The following TMCO4 variants were observed in gnomAD, a reference collection of about 807,000 sequenced individuals.
TMCO4 encodes the protein transmembrane and coiled-coil domains 4.
A neutral mutation model predicts 64.7 loss-of-function variants in TMCO4; 58 were observed. The ratio of observed to expected loss-of-function variants is 0.90; its 90% CI spans 0.73 to 1.12. TMCO4 has a LOEUF of 1.12. Among genes scored for constraint, TMCO4 ranks in the 50% most tolerant of loss-of-function variants. The probability of loss-of-function intolerance (pLI) is 0.00; values close to 1 mark genes in which losing one functional copy is unlikely to be tolerated. For missense variants in TMCO4, 780 were observed against 825.9 expected, an observed-to-expected ratio of 0.94 and a Z score of 0.68; for synonymous variants, 325 against 346.1, an observed-to-expected ratio of 0.94 and a Z score of 0.68.
intron 6 of TMCO4, among the ~76,000 whole-genome samples, chr1:19,762,882 T>A (rs1346491032): frequency 6.6e-6 from 1 of 152,042 alleles, no homozygotes; most frequent in Non-Finnish European, 1.5e-5. Context: ...TCATGGTCAA[T>A]CCCCGCCCTT....
intron 3 of TMCO4, among the ~76,000 whole-genome samples, chr1:19,781,144 CAAAAAAAAAAAAAA>C (rs535767635): frequency 3.8e-5 from 2 of 52,604 alleles, no homozygotes; most frequent in African/African-American, 1.5e-4. Context: ...GACTCCATCT[CAAAAAAAAAAAAAA>C]AAAAAAAAAG....
intron 3 of TMCO4, among the ~76,000 whole-genome samples, chr1:19,786,607 G>T (rs1421181748): frequency 6.6e-6 from 1 of 152,196 alleles, no homozygotes; most frequent in Non-Finnish European, 1.5e-5. Context: ...GCTGCCCCAG[G>T]CAGGGCCAAG....
intron 5 of TMCO4, 114 bp downstream of exon 5, chr1:19,771,194 C>A: frequency 9.1e-7 from 1 of 1,098,970 alleles, no homozygotes; most frequent in South Asian, 1.5e-5. Flanking sequence ...ATTATGATGA[C>A]ATATTTTATC....
At chr1:19,792,971 A>C (rs1471165440) in intron 2 of TMCO4, among the ~76,000 whole-genome samples, 1 of 151,932 alleles carries the variant, frequency 6.6e-6, no homozygotes, top group African/African-American at 2.4e-5. Flanking sequence ...GGGTTTCACC[A>C]CGTTGGCCAG....
At chr1:19,782,845 C>T (rs913126834) in intron 3 of TMCO4, among the ~76,000 whole-genome samples, 4 of 152,152 alleles carry the variant, frequency 2.6e-5, no homozygotes, top group African/African-American at 9.7e-5. Flanking sequence ...ACAAGCACCG[C>T]CACTTATTAG....
chr1:19,782,465 C>G (rs1160276289), intron 3 of TMCO4, among the ~76,000 whole-genome samples: 2 of 151,976 alleles, frequency 1.3e-5, no homozygotes, highest in African/African-American at 2.4e-5. Flanking sequence ...GGGTGGTCAT[C>G]ATATGGGTAT....
At chr1:19,746,970 T>G (rs1226070626) in intron 8 of TMCO4, among the ~76,000 whole-genome samples, 193 bp downstream of exon 8, 1 of 127,630 alleles carries the variant, frequency 7.8e-6, no homozygotes, top group Non-Finnish European at 1.6e-5. Flanking sequence ...TTTTTACCCC[T>G]CAGCTACCTA....
intron 3 of TMCO4, among the ~76,000 whole-genome samples, chr1:19,784,705 T>C (rs2043645356): frequency 6.6e-6 from 1 of 152,052 alleles, no homozygotes; most frequent in Admixed American, 6.6e-5. Context: ...AAGCCTCCCA[T>C]CACATCAGGA....
At chr1:19,788,250 G>A (rs999681819) in intron 2 of TMCO4, among the ~76,000 whole-genome samples, 1 of 152,188 alleles carries the variant, frequency 6.6e-6, no homozygotes, top group Admixed American at 6.5e-5. Context: ...AAGCAATGGA[G>A]AGGAGAAAAA....
chr1:19,721,364 G>T (rs11587018), intron 13 of TMCO4, among the ~76,000 whole-genome samples: 1 of 152,170 alleles, frequency 6.6e-6, no homozygotes, highest in African/African-American at 2.4e-5. Flanking sequence ...CAGACAGTGT[G>T]GGCACGTGCT....
At chr1:19,712,396 G>A (rs2095334991) in intron 13 of TMCO4, among the ~76,000 whole-genome samples, 1 of 152,074 alleles carries the variant, frequency 6.6e-6, no homozygotes, top group African/African-American at 2.4e-5. Context: ...TGAGGCAGGT[G>A]GATCATGAGG....
intron 13 of TMCO4, among the ~76,000 whole-genome samples, chr1:19,720,037 G>C (rs533415061): frequency 4.1e-5 from 6 of 145,704 alleles, no homozygotes; most frequent in Admixed American, 2.1e-4. Flanking sequence ...TAGAGATGGC[G>C]TCTTGTTTTG....
chr1:19,701,791 CA>C (rs1484938252), intron 13 of TMCO4, among the ~76,000 whole-genome samples: 12 of 152,050 alleles, frequency 7.9e-5, no homozygotes, highest in Non-Finnish European at 1.5e-5. Context: ...TCGTCCGCTG[CA>C]TCGATCTAAT....
At chr1:19,784,860 A>C (rs1421453180) in intron 3 of TMCO4, among the ~76,000 whole-genome samples, 1 of 151,920 alleles carries the variant, frequency 6.6e-6, no homozygotes, top group Non-Finnish European at 1.5e-5. Flanking sequence ...AAAAAAAAAA[A>C]AAAAAAAAAT....
At chr1:19,785,755 A>G (rs1236824930) in intron 3 of TMCO4, among the ~76,000 whole-genome samples, 1 of 152,216 alleles carries the variant, frequency 6.6e-6, no homozygotes, top group Non-Finnish European at 1.5e-5. Context: ...AGCCCACTCA[A>G]CACATAGCTA....
intron 9 of TMCO4, 28 bp downstream of exon 9, chr1:19,746,428 T>C (rs771545787): frequency 6.2e-7 from 1 of 1,612,294 alleles, no homozygotes; most frequent in Non-Finnish European, 8.5e-7. Context: ...AAAATTCCTC[T>C]GAACCCATCA....
intron 12 of TMCO4, 134 bp from the exon 13 acceptor site, chr1:19,737,590 C>G: frequency 1.4e-6 from 1 of 695,800 alleles, no homozygotes. Context: ...TGTGCTGTTC[C>G]GGTCCCTGAG....
At chr1:19,773,571 G>A (rs1232449318) in intron 4 of TMCO4, among the ~76,000 whole-genome samples, 1 of 152,174 alleles carries the variant, frequency 6.6e-6, no homozygotes, top group East Asian at 1.9e-4. Flanking sequence ...GACAGCTCAG[G>A]GCTGTGCTGG....
At chr1:19,694,361 C>A in intron 15 of TMCO4, 73 bp downstream of exon 15, 2 of 1,367,730 alleles carry the variant, frequency 1.5e-6, no homozygotes, top group Non-Finnish European at 2.1e-6. Context: ...CCACTGTCTC[C>A]AGGGGACAGG....
Sources: allele counts gnomAD v4.1 joint callset (sites outside exome capture counted in the v4.1 genomes callset), GRCh38; gene constraint gnomAD v4.1.1; transcripts MANE v1.5; gene names NCBI Gene and HGNC (gene_info 2026-07-23, HGNC 2026-07-21).